NCOR2: variants seen among roughly 807,000 people sequenced by gnomAD.
NCOR2 encodes the protein nuclear receptor corepressor 2.
A neutral mutation model predicts 262.9 loss-of-function variants in NCOR2; 81 were observed. The ratio of observed to expected loss-of-function variants is 0.31; its 90% confidence interval spans 0.26 to 0.37. NCOR2 has a LOEUF of 0.37. NCOR2 is among the 10% of genes least tolerant of loss of function. The pLI is 1.00. For missense variants in NCOR2, 3,385 were observed against 3,621.4 expected, an observed-to-expected ratio of 0.93 and a Z score of 1.68; for synonymous variants, 1,659 against 1,559.3, an observed-to-expected ratio of 1.06 and a Z score of -1.51.
At chr12:124,546,645 C>T (rs2051553577) in intron 1 of NCOR2, among the ~76,000 whole-genome samples, 1 of 152,150 alleles carries the variant, frequency 6.6e-6, no homozygotes, top group South Asian at 2.1e-4. Flanking sequence ...AAACTCCTGG[C>T]CTCGAGATCC....
intron 1 of NCOR2, among the ~76,000 whole-genome samples, chr12:124,520,332 G>T (rs1186744493): frequency 6.6e-6 from 1 of 152,238 alleles, no homozygotes; most frequent in Non-Finnish European, 1.5e-5. Context: ...GCGGGACCAT[G>T]ACACCCAGGC....
intron 1 of NCOR2, among the ~76,000 whole-genome samples, chr12:124,500,958 G>A (rs2048676432): frequency 6.6e-6 from 1 of 152,132 alleles, no homozygotes; most frequent in African/African-American, 2.4e-5. Flanking sequence ...GGGAACTAAT[G>A]GGTGCTGACA....
chr12:124,366,207 C>T (rs2141247), intron 20 of NCOR2, among the ~76,000 whole-genome samples: 2 of 151,890 alleles, frequency 1.3e-5, no homozygotes, highest in Admixed American at 6.5e-5. Flanking sequence ...CACCAAGAGA[C>T]GAATGAGGAG....
At chr12:124,343,277 G>A (rs766691223) in intron 32 of NCOR2, 51 bp from the exon 35 acceptor site, 4 of 1,535,558 alleles carry the variant, frequency 2.6e-6, no homozygotes, top group Non-Finnish European at 3.5e-6. Flanking sequence ...GGCATTTACG[G>A]GGAGTTGTTT....
At chr12:124,436,142 T>A (rs1219720447) in intron 8 of NCOR2, among the ~76,000 whole-genome samples, 1 of 152,350 alleles carries the variant, frequency 6.6e-6, no homozygotes, top group Non-Finnish European at 1.5e-5. Context: ...ACTACTGGCA[T>A]CCAGGCCCCA....
At chr12:124,335,082 C>T (rs1211060330) in intron 40 of NCOR2, 53 bp downstream of exon 42, 5 of 1,611,686 alleles carry the variant, frequency 3.1e-6, no homozygotes, top group Non-Finnish European at 4.2e-6. Context: ...CTCTCCAGGC[C>T]TGGTGCCCCC....
Position 124,335,126 on chromosome 12 carries a change from C to CGTAG in NCOR2, c.6411+5_6411+8dup. 1 of 1,612,336 alleles carries CGTAG rather than the reference C, an allele frequency of 6.2e-7. No homozygotes were observed. Among genetic ancestry groups the CGTAG allele is most frequent in the Non-Finnish European group, 8.5e-7 (1 of 1,179,906 alleles). ...AGGTGACAAGCAGCAGCAGAGAACG[C>CGTAG]GTAGTTACACTGATGTGCTGGGCCA... On this transcript the variant is annotated intron_variant, in intron 40 of 46. Coordinates refer to ENST00000405201, the Ensembl canonical transcript of NCOR2.
At chr12:124,409,774 C>T (rs2042466359) in intron 13 of NCOR2, among the ~76,000 whole-genome samples, 1 of 152,102 alleles carries the variant, frequency 6.6e-6, no homozygotes, top group Admixed American at 6.5e-5. Context: ...ACTTTCTGGG[C>T]TCAAGCAGTG....
Position 124,503,542 on chromosome 12 carries a change from T to C in NCOR2, c.-117-8174A>G, listed in dbSNP as rs1394097028. Among the ~76,000 whole-genome samples, 1 of 147,070 alleles carries C rather than the reference T, an allele frequency of 6.8e-6. No homozygotes were observed. The highest frequency in any genetic ancestry group is 2.6e-5 in the African/African-American group (1 of 38,762). On this transcript the variant is annotated intron_variant, in intron 1 of 46. Coordinates refer to the NCOR2 transcript ENST00000404621. The surrounding 1 kb of genome is among the most constrained non-coding windows in gnomAD (Gnocchi z 4.3). ...GAGGATGGACAGATGAATGGATGGA[T>C]GGATGGACGAATGGATGGATGGATA... is the stretch of plus-strand genomic sequence containing the variant.
chr12:124,434,397 C>A (rs1276648516), intron 8 of NCOR2, among the ~76,000 whole-genome samples: 1 of 152,162 alleles, frequency 6.6e-6, no homozygotes, highest in African/African-American at 2.4e-5. Context: ...TTCCATCCCT[C>A]CTAAGATGGG....
chr12:124,491,871 G>T (rs1193715044), intron 1 of NCOR2, among the ~76,000 whole-genome samples: 1 of 152,188 alleles, frequency 6.6e-6, no homozygotes, highest in Non-Finnish European at 1.5e-5. Context: ...GAGAAGCTGG[G>T]CCCCTGAGGA....
intron 4 of NCOR2, among the ~76,000 whole-genome samples, chr12:124,471,641 C>T (rs1319741389): frequency 6.6e-6 from 1 of 152,228 alleles, no homozygotes; most frequent in Non-Finnish European, 1.5e-5. Context: ...GCAATCATGG[C>T]TCATGCAGCC....
In NCOR2 at chr12:124,334,423, C is replaced by T. The variant is rs1566355094; in HGVS notation, c.6605+1G>A. On this transcript the variant is annotated splice_donor_variant, in intron 41 of 46. Coordinates refer to ENST00000405201, the Ensembl canonical transcript of NCOR2. LOFTEE classifies it high-confidence loss of function. ...AAGAGGCACCCCCATCCCTCGCTCA[C>T]CTCTTGCCCCCTTCGCTGTGGGGGG... 2 of 1,509,392 alleles carry T rather than the reference C, an allele frequency of 1.3e-6. No homozygotes were observed. Among genetic ancestry groups the T allele is most frequent in the Admixed American group, 2.3e-5 (1 of 44,140 alleles). The allele number at this position is 1,509,392 out of a possible 1,614,324, so 93.5% of individuals were successfully genotyped here. A position where few individuals can be genotyped will look rare whatever the true frequency, so the allele number is the denominator to read the frequency against.
intron 1 of NCOR2, among the ~76,000 whole-genome samples, chr12:124,563,930 G>A (rs2052150811): frequency 6.6e-6 from 1 of 152,214 alleles, no homozygotes; most frequent in Non-Finnish European, 1.5e-5. Flanking sequence ...ATAATCCCAG[G>A]TCTTAATTCG....
chr12:124,546,794 T>A (rs969785085), intron 1 of NCOR2, among the ~76,000 whole-genome samples: 4 of 152,112 alleles, frequency 2.6e-5, no homozygotes, highest in Non-Finnish European at 5.9e-5. Context: ...GCCCAGGACA[T>A]GACCCCTCCC....
chr12:124,516,932 G>A (rs2049838083), intron 1 of NCOR2, among the ~76,000 whole-genome samples: 2 of 152,010 alleles, frequency 1.3e-5, no homozygotes, highest in African/African-American at 4.8e-5. Flanking sequence ...ATGAGGTGGG[G>A]AAAGATGCAA....
In NCOR2 at chr12:124,346,769, G is replaced by A. The variant is rs753582344; in HGVS notation, c.4154C>T (p.Pro1385Leu). 2.9e-5 allele frequency: 45 copies of A among 1,558,864 alleles called. No homozygotes were observed. The highest frequency in any genetic ancestry group is 3.6e-5 in the Non-Finnish European group (41 of 1,152,136). Reference sequence around the variant, plus strand: ...CAGGTCCCGTGAGGGCGGTGGGGGCGGAGGCGTGCCCTCCCGCTTTAGGAG... The same window carrying A: ...CAGGTCCCGTGAGGGCGGTGGGGGCAGAGGCGTGCCCTCCCGCTTTAGGAG... The change falls in exon 31 of 47, where the codon CCG becomes CTG. Residue 1385 changes from proline to leucine, a missense_variant. Transcript: ENST00000405201.
At chr12:124,479,373 G>A (rs560926128) in intron 3 of NCOR2, among the ~76,000 whole-genome samples, 34 of 151,304 alleles carry the variant, frequency 2.2e-4, no homozygotes, top group Middle Eastern at 3.4e-3. Context: ...GCACACTCAC[G>A]CACACACACA....
intron 1 of NCOR2, 96 bp from the exon 4 acceptor site, chr12:124,486,664 A>G (rs2047781309): frequency 7.0e-7 from 1 of 1,423,758 alleles, no homozygotes; most frequent in African/African-American, 1.4e-5. Flanking sequence ...CTCCCTGCTC[A>G]GGCTCGCTCC....
Sources: gnomAD v4.1 joint callset for allele counts (sites outside exome capture counted in the v4.1 genomes callset) on GRCh38, gnomAD v4.1.1 for gene constraint, Gnocchi (gnomAD v3.1) non-coding constraint, MANE v1.5 for transcripts, NCBI Gene and HGNC (gene_info 2026-07-23, HGNC 2026-07-21) for gene names.